The following ZNF273 variants were observed in gnomAD, a reference collection of about 807,000 sequenced individuals.
The protein encoded by ZNF273 is zinc finger protein 273, also known as zinc finger protein 9.
Under a neutral mutation model 14.9 loss-of-function variants are expected in ZNF273, and 11 were observed. The observed-to-expected ratio is 0.74, with a 90% CI of 0.46 to 1.22. ZNF273 has a LOEUF of 1.22. Ranked by LOEUF, ZNF273 falls within the 50% of genes most tolerant of loss-of-function variation. The probability of loss-of-function intolerance (pLI) is 0.00; values close to 1 mark genes in which losing one functional copy is unlikely to be tolerated. For synonymous variants in ZNF273, 199 were observed against 223.9 expected (o/e 0.89, Z 0.99); for missense variants, 577 against 660.6 (o/e 0.87, Z 1.39).
intron 1 of ZNF273, among the ~76,000 whole-genome samples, chr7:64,904,176 C>T (rs947996278): frequency 6.6e-6 from 1 of 152,158 alleles, no homozygotes; most frequent in Non-Finnish European, 1.5e-5. Context: ...GCAACCAACG[C>T]CTCCCGGGTT....
chr7:64,903,245 A>G (rs1042330099), upstream of ZNF273: 84 of 1,288,974 alleles, frequency 6.5e-5, no homozygotes, highest in South Asian at 1.0e-3. Flanking sequence ...AGCGGACAGG[A>G]CGGCTTCCGG....
chr7:64,925,296 T>C (rs1276295771), intron 3 of ZNF273, among the ~76,000 whole-genome samples: 1 of 152,188 alleles, frequency 6.6e-6, no homozygotes, highest in African/African-American at 2.4e-5. Flanking sequence ...TGTATCGATA[T>C]GCTTTCATTT....
intron 1 of ZNF273, among the ~76,000 whole-genome samples, chr7:64,908,099 T>A (rs917069965): frequency 6.6e-6 from 1 of 152,360 alleles, no homozygotes; most frequent in South Asian, 2.1e-4. Context: ...GAATCTGCAG[T>A]AGCAACCTGC....
intron 1 of ZNF273, among the ~76,000 whole-genome samples, chr7:64,914,200 T>G (rs1188597335): frequency 7.1e-6 from 1 of 140,548 alleles, no homozygotes; most frequent in Non-Finnish European, 1.6e-5. Context: ...TTTTTTTTTT[T>G]TTTTTTTTAG....
At chr7:64,911,411 G>A (rs1263377162) in intron 1 of ZNF273, among the ~76,000 whole-genome samples, 1 of 151,810 alleles carries the variant, frequency 6.6e-6, no homozygotes, top group Non-Finnish European at 1.5e-5. Context: ...TTACAGGCAT[G>A]CGCCACCATG....
intron 3 of ZNF273, among the ~76,000 whole-genome samples, chr7:64,895,362 A>C (rs1211171794): frequency 6.6e-6 from 1 of 152,184 alleles, no homozygotes; most frequent in Non-Finnish European, 1.5e-5. Flanking sequence ...TTAAATTGTC[A>C]AAGATATTTT....
In ZNF273 at chr7:64,927,693, A is replaced by G. The variant is rs1389178749; in HGVS notation, c.365A>G (p.Gln122Arg). The G allele has an allele frequency of 1.9e-6, 3 of 1,597,688 alleles. No homozygotes were observed. Among genetic ancestry groups the G allele is most frequent in the Non-Finnish European group, 2.6e-6 (3 of 1,174,326 alleles). ...SHFAQDLWPK[Q>R]GLKDSFQKVI... is the part of the protein sequence containing the mutation. ...TTTGCCCAAGACCTTTGGCCAAAGC[A>G]GGGCTTAAAAGATTCTTTTCAAAAA... Residue 122 changes from glutamine to arginine, a missense_variant, in exon 4 of 4, where the codon CAG becomes CGG. Physicochemically the swap from Gln to Arg is conservative, Grantham distance 43 (BLOSUM62 1). Transcript: ENST00000476120.
intron 1 of ZNF273, among the ~76,000 whole-genome samples, chr7:64,912,355 G>T (rs1160280088): frequency 6.6e-6 from 1 of 152,196 alleles, no homozygotes; most frequent in Non-Finnish European, 1.5e-5. Flanking sequence ...TTAATTTCCT[G>T]CCTCAATAAT....
At chr7:64,889,465 G>T (rs1791827963), downstream of ZNF273, 2 of 985,950 alleles carry the variant, frequency 2.0e-6, no homozygotes, top group Non-Finnish European at 2.4e-6. This position sits in a 1 kb window ranked among gnomAD's most constrained non-coding sequence, Gnocchi z 4.2. Context: ...TCCTGGGGCT[G>T]CGTCCCCGCG....
chr7:64,888,839 AAC>A (rs1419148366), exon 2 of ZNF273: 1 of 985,782 alleles, frequency 1.0e-6, no homozygotes, highest in African/African-American at 1.7e-5. Flanking sequence ...AAACCGTCTG[AAC>A]ACAAAGTTGC....
At chr7:64,893,588 A>G (rs1241634574), downstream of ZNF273, 1 of 152,182 alleles carries the variant, frequency 6.6e-6, no homozygotes, top group East Asian at 1.9e-4. Flanking sequence ...CAAGCAACCC[A>G]CAGTAGGCCC....
chr7:64,899,699 A>C (rs1466885218), upstream of ZNF273, among the ~76,000 whole-genome samples: 1 of 151,762 alleles, frequency 6.6e-6, no homozygotes, highest in Non-Finnish European at 1.5e-5. Flanking sequence ...TTTAAAGTTC[A>C]GTATTGTAGT....
In ZNF273 at chr7:64,928,319, T is replaced by G. The variant is rs751359056; in HGVS notation, c.991T>G (p.Ser331Ala). ...ATGTGGCAAAGGCTTTAGTATATTCTCAACCCTTACTAAACATAAGATAAT... is the reference window on the plus strand; with the variant it reads ...ATGTGGCAAAGGCTTTAGTATATTCGCAACCCTTACTAAACATAAGATAAT... ...EECGKGFSIF[S>A]TLTKHKIIHT... Residue 331 changes from serine (S) to alanine (A), a missense_variant, in exon 4 of 4, where the codon TCA (serine) becomes GCA (alanine). By Grantham distance (99) the Ser-to-Ala change is moderately conservative (BLOSUM62 1). Coordinates refer to ENST00000476120, the MANE Select transcript of ZNF273 (RefSeq NM_021148.3). The G allele has an allele frequency of 6.2e-7, 1 of 1,613,686 alleles. No individual in the cohort carries two copies.
upstream of ZNF273, among the ~76,000 whole-genome samples, chr7:64,898,998 T>G (rs987000190): frequency 2.6e-5 from 4 of 152,272 alleles, no homozygotes; most frequent in South Asian, 4.1e-4. Context: ...TTTGCAATTT[T>G]CAATTTTTAA....
chr7:64,929,655 C>T lies in ZNF273; in HGVS notation c.*617C>T, dbSNP rs190694712. On this transcript the variant is annotated 3_prime_UTR_variant, in exon 4 of 4. Coordinates refer to ENST00000476120, the MANE Select transcript of ZNF273 (RefSeq NM_021148.3). ...TAAGATACTGACACTTCAGACATTA[C>T]ACAAAATCAGAGTGCTGAGTACAGA... 54 of 152,278 alleles carry T rather than the reference C, an allele frequency of 3.5e-4. No individual in the cohort carries two copies. The highest frequency in any genetic ancestry group is 1.3e-3 in the African/African-American group (53 of 41,550). 9.4% of individuals were successfully genotyped at this position (152,278 alleles called of 1,614,324 possible).
downstream of ZNF273, among the ~76,000 whole-genome samples, chr7:64,884,672 C>T (rs1417401408): frequency 1.3e-5 from 2 of 152,164 alleles, no homozygotes; most frequent in Non-Finnish European, 2.9e-5. Flanking sequence ...GGTATGATTC[C>T]ATCACCCGGA....
downstream of ZNF273, among the ~76,000 whole-genome samples, chr7:64,884,269 C>T (rs1380917244): frequency 6.6e-6 from 1 of 152,106 alleles, no homozygotes; most frequent in Non-Finnish European, 1.5e-5. Context: ...ATTTTTTGCA[C>T]TTTACAGGAG....
chr7:64,898,813 G>C (rs1583974639), upstream of ZNF273, among the ~76,000 whole-genome samples: 1 of 152,208 alleles, frequency 6.6e-6, no homozygotes, highest in African/African-American at 2.4e-5. Context: ...CTGTCCACAT[G>C]CACCTTTGGG....
chr7:64,916,936 C>A, intron 1 of ZNF273: 1 of 1,098,074 alleles, frequency 9.1e-7, no homozygotes, highest in Non-Finnish European at 1.1e-6. Flanking sequence ...TGTGCATAAA[C>A]CATCACATTT....
Sources: gnomAD v4.1 joint callset for allele counts (sites outside exome capture counted in the v4.1 genomes callset) on GRCh38, gnomAD v4.1.1 for gene constraint, Gnocchi (gnomAD v3.1) non-coding constraint, MANE v1.5 for transcripts, NCBI Gene and HGNC (gene_info 2026-07-23, HGNC 2026-07-21) for gene names.